HUWE1: variants seen among roughly 807,000 people sequenced by gnomAD.
HUWE1 encodes the protein HECT, UBA and WWE domain containing E3 ubiquitin protein ligase 1.
Under a neutral mutation model 299.4 loss-of-function variants are expected in HUWE1, and 18 were observed. That is an observed-to-expected ratio of 0.06 (90% CI 0.04 to 0.09). The LOEUF is 0.09. HUWE1 is among the 10% of genes least tolerant of loss of function. The pLI, the probability that HUWE1 is intolerant of heterozygous loss-of-function variation, is 1.00. For synonymous variants in HUWE1, 1,317 were observed against 1,286.1 expected (o/e 1.02, Z -0.51); for missense variants, 1,832 against 3,462.3 (o/e 0.53, Z 11.82).
At position 53,546,825 on chromosome X, in the gene HUWE1, A is replaced by G. The variant is rs1683836385; in HGVS notation, c.10637T>C (p.Ile3546Thr). The G allele has an allele frequency of 8.3e-7, 1 of 1,202,484 alleles. No homozygotes were observed. The highest frequency in any genetic ancestry group is 2.2e-5 in the Admixed American group (1 of 44,896). ...TPTTATTTVS[I>T]SPTTKGSKSP... ...TTTGCTGCCCTTAGTAGTGGGAGAA[A>G]CTTTGAGGAAACAGACAGAACACTG... The change falls in exon 69 of 84, where the codon ATT (isoleucine) becomes ACT (threonine). Residue 3546 changes from isoleucine (I) to threonine (T), a missense_variant and splice_region_variant. By Grantham distance (89) the Ile-to-Thr change is moderately conservative (BLOSUM62 -1). Coordinates refer to ENST00000262854, the MANE Select transcript of HUWE1 (RefSeq NM_031407.7).
At chrX:53,623,429 A>G (rs1283265605) in intron 19 of HUWE1, among the ~76,000 whole-genome samples, 1 of 112,225 alleles carries the variant, frequency 8.9e-6, no homozygotes, top group East Asian at 2.8e-4. Flanking sequence ...TAACCTTAGC[A>G]GAGAGCTTTT....
At chrX:53,678,521 G>C (rs1473776768) in intron 3 of HUWE1, among the ~76,000 whole-genome samples, 2 of 111,535 alleles carry the variant, frequency 1.8e-5, no homozygotes, top group Non-Finnish European at 3.8e-5. Flanking sequence ...AGTCCTTAAA[G>C]GACTTTATGC....
intron 67 of HUWE1, among the ~76,000 whole-genome samples, chrX:53,548,733 T>C (rs1267332589): frequency 8.9e-6 from 1 of 112,434 alleles, no homozygotes; most frequent in East Asian, 2.8e-4. Flanking sequence ...AAAACAGGAA[T>C]CATACAGCCC....
intron 35 of HUWE1, 125 bp downstream of exon 35, chrX:53,590,279 A>G: frequency 1.8e-6 from 1 of 562,796 alleles, no homozygotes; most frequent in Non-Finnish European, 3.2e-6. Flanking sequence ...GGGATGAATT[A>G]GTACTCTTCT....
At chrX:53,533,940 C>T (rs1412365389) in intron 83 of HUWE1, 67 bp downstream of exon 83, 8 of 1,038,197 alleles carry the variant, frequency 7.7e-6, no homozygotes, top group Non-Finnish European at 1.1e-5. Context: ...TGGGTAGGGT[C>T]CTGAAAACAT....
At chrX:53,594,849 A>G (rs1556983377) in intron 30 of HUWE1, among the ~76,000 whole-genome samples, 2 of 111,893 alleles carry the variant, frequency 1.8e-5, no homozygotes, top group Non-Finnish European at 3.8e-5. Context: ...GGAGCATTTC[A>G]GATTAGAGAT....
At chrX:53,634,717 G>A (rs782435217) in intron 7 of HUWE1, among the ~76,000 whole-genome samples, 14 of 112,335 alleles carry the variant, frequency 1.2e-4, no homozygotes, top group Admixed American at 8.4e-4. Context: ...CTCACCTTCC[G>A]CACTAGGGAG....
chrX:53,676,343 T>C (rs2069820903), intron 3 of HUWE1, among the ~76,000 whole-genome samples: 1 of 111,397 alleles, frequency 9.0e-6, no homozygotes, highest in African/African-American at 3.3e-5. Flanking sequence ...ACCTAGTAAG[T>C]GGCCAGGCCC....
intron 47 of HUWE1, among the ~76,000 whole-genome samples, chrX:53,573,005 C>T (rs1341782776): frequency 9.0e-6 from 1 of 111,014 alleles, no homozygotes; most frequent in Non-Finnish European, 1.9e-5. Flanking sequence ...CCTTTTTCAT[C>T]TTCCAAACCC....
At chrX:53,674,026 A>G (rs1442576442) in intron 3 of HUWE1, among the ~76,000 whole-genome samples, 1 of 111,632 alleles carries the variant, frequency 9.0e-6, no homozygotes, top group Non-Finnish European at 1.9e-5. Context: ...TGTAGGCAGT[A>G]TTATAAGGCC....
chrX:53,609,997 C>T (rs1398918863), intron 23 of HUWE1, among the ~76,000 whole-genome samples: 3 of 111,514 alleles, frequency 2.7e-5, no homozygotes, highest in Non-Finnish European at 3.8e-5. Flanking sequence ...TGTTGTGAAC[C>T]TCCTCAATGA....
At chrX:53,553,375 C>T (rs2061852511) in intron 61 of HUWE1, among the ~76,000 whole-genome samples, 2 of 108,187 alleles carry the variant, frequency 1.8e-5, no homozygotes, top group Non-Finnish European at 3.8e-5. Flanking sequence ...AATTCCTGAC[C>T]TCATGATCCA....
chrX:53,680,461 G>C (rs2070070242), intron 2 of HUWE1: 1 of 140,311 alleles, frequency 7.1e-6, no homozygotes, highest in African/African-American at 3.2e-5. Context: ...TTATTTTTTA[G>C]ACAAGTTTAT....
chrX:53,546,426 C>A lies in HUWE1; in HGVS notation c.10915+10G>T, dbSNP rs1452327847. On this transcript the variant is annotated intron_variant, in intron 70 of 83. Transcript: ENST00000262854. The stretch of plus-strand genomic sequence containing the variant: ...TTCAGAAAGAGAAAATGCTTTACTT[C>A]TGCTATTACCTATTTGTTTACAAAG... The A allele has an allele frequency of 8.3e-7, 1 of 1,203,317 alleles. No individual in the cohort carries two copies. Among genetic ancestry groups the A allele is most frequent in the Non-Finnish European group, 1.1e-6 (1 of 890,086 alleles).
At chrX:53,634,003 AAC>A (rs1348785834) in intron 8 of HUWE1, among the ~76,000 whole-genome samples, 1 of 111,522 alleles carries the variant, frequency 9.0e-6, no homozygotes, top group Non-Finnish European at 1.9e-5. Flanking sequence ...ACTGGGTATG[AAC>A]ACACACTCTA....
chrX:53,625,055 A>G, intron 18 of HUWE1, 102 bp downstream of exon 18: 1 of 578,904 alleles, frequency 1.7e-6, no homozygotes, highest in Non-Finnish European at 3.1e-6. Flanking sequence ...GGCCTTTACC[A>G]AAGACTGCCT....
intron 18 of HUWE1, 116 bp downstream of exon 18, chrX:53,625,041 G>A (rs2066396468): frequency 3.8e-6 from 2 of 532,031 alleles, no homozygotes; most frequent in African/African-American, 4.6e-5. Flanking sequence ...ATTGAAAATG[G>A]CATGGCCTTT....
intron 29 of HUWE1, among the ~76,000 whole-genome samples, chrX:53,597,722 GC>G (rs1322921214): frequency 4.6e-5 from 4 of 86,920 alleles, no homozygotes; most frequent in South Asian, 6.6e-4. Context: ...TGGTCTACTT[GC>G]CCCCCAAAAC....
At chrX:53,570,321 A>G (rs2062766240) in intron 47 of HUWE1, among the ~76,000 whole-genome samples, 1 of 112,596 alleles carries the variant, frequency 8.9e-6, no homozygotes, top group African/African-American at 3.2e-5. Context: ...TAATAGAACT[A>G]CTTACAGCAA....
Sources: gnomAD v4.1 joint callset for allele counts (sites outside exome capture counted in the v4.1 genomes callset) on GRCh38, gnomAD v4.1.1 for gene constraint, MANE v1.5 for transcripts, NCBI Gene and HGNC (gene_info 2026-07-23, HGNC 2026-07-21) for gene names.